Variants in MRRF observed in about 807,000 individuals in gnomAD.
MRRF encodes mitochondrial ribosome recycling factor.
In MRRF, 18 loss-of-function variants were observed where a neutral mutation model predicts 25.1. The ratio of observed to expected loss-of-function variants is 0.72; its 90% CI spans 0.50 to 1.06. MRRF has a LOEUF of 1.06. Ranked by LOEUF, MRRF falls within the 50% of genes least tolerant of loss-of-function variation. MRRF has a pLI of 0.00. For missense variants in MRRF, 323 were observed against 319.3 expected (o/e 1.01, Z -0.09); for synonymous variants, 113 against 112.1 (o/e 1.01, Z -0.05).
chr9:122,283,220 A>G (rs1041315847), intron 3 of MRRF, among the ~76,000 whole-genome samples: 13 of 151,682 alleles, frequency 8.6e-5, no homozygotes, highest in African/African-American at 2.4e-4. Context: ...CAGCCTCCCA[A>G]CTAGCTGGGA....
chr9:122,286,161 TATA>T, intron 4 of MRRF: 1 of 1,282,924 alleles, frequency 7.8e-7, no homozygotes, highest in East Asian at 5.6e-5. Context: ...CATCTGCTAA[TATA>T]AGGTGAAGGA....
Position 122,330,368 on chromosome 9 carries a change from G to A in MRRF, c.*7751G>A, listed in dbSNP as rs553152409. 3.9e-5 allele frequency: 6 copies of A among 152,308 alleles called. No individual in the cohort carries two copies. The highest frequency in any genetic ancestry group is 9.6e-5 in the African/African-American group (4 of 41,548). 9.4% of individuals were successfully genotyped at this position (152,308 alleles called of 1,614,324 possible). A position where few individuals can be genotyped will look rare whatever the true frequency, so the allele number is the denominator to read the frequency against. ...AATCTCCAAAGACAGCAGCTCCTCC[G>A]CGAGCTAGCTGCCCCTGACCGAGGC... On this transcript the variant is annotated 3_prime_UTR_variant, in exon 7 of 7. Coordinates refer to ENST00000344641, the MANE Select transcript of MRRF (RefSeq NM_138777.5). This position sits in a 1 kb window ranked among gnomAD's most constrained non-coding sequence, Gnocchi z 4.2.
At chr9:122,265,925 G>C in intron 1 of MRRF, 1 of 425,672 alleles carries the variant, frequency 2.3e-6, no homozygotes. Flanking sequence ...TTCTTTACCT[G>C]GTACTGCATT....
At chr9:122,312,531 C>T (rs943278260) in intron 5 of MRRF, among the ~76,000 whole-genome samples, 12 of 152,108 alleles carry the variant, frequency 7.9e-5, no homozygotes, top group Non-Finnish European at 1.5e-4. Flanking sequence ...ATTGTCCTTC[C>T]TTGAGCAAGA....
intron 1 of MRRF, among the ~76,000 whole-genome samples, chr9:122,269,156 A>G (rs1042403426): frequency 1.3e-5 from 2 of 148,836 alleles, no homozygotes; most frequent in Non-Finnish European, 1.5e-5. Flanking sequence ...ACAGAGTGAG[A>G]CTCTGTCTCA....
intron 1 of MRRF, 98 bp from the exon 2 acceptor site, chr9:122,270,766 T>TA: frequency 5.7e-6 from 5 of 872,752 alleles, no homozygotes; most frequent in Admixed American, 3.5e-5. Flanking sequence ...TAGCTCAGTT[T>TA]ATAGGAGTTG....
intron 6 of MRRF, among the ~76,000 whole-genome samples, chr9:122,318,730 A>T (rs1835691007): frequency 6.6e-6 from 1 of 152,218 alleles, no homozygotes; most frequent in South Asian, 2.1e-4. Flanking sequence ...TATGTTGGCA[A>T]GGGTTCTTGC....
At chr9:122,274,841 TAA>T (rs1234118554) in intron 2 of MRRF, among the ~76,000 whole-genome samples, 1 of 152,178 alleles carries the variant, frequency 6.6e-6, no homozygotes, top group Non-Finnish European at 1.5e-5. Flanking sequence ...ATAAACCTTT[TAA>T]AAGAGTCTTT....
rs562208604 is a variant in MRRF, at chr9:122,313,263, G to A, written c.588G>A (p.Leu196=). Residue 196 remains leucine, a synonymous_variant, in exon 6 of 7, where the codon CTG becomes CTA. Coordinates refer to ENST00000344641, the MANE Select transcript of MRRF (RefSeq NM_138777.5). ...AGCACAGAGAAATGCTGGTGAAACT[G>A]GCCAAACAGAACACCAACAAGGCCA... ...TREHREMLVK[L]AKQNTNKAKD... The A allele has an allele frequency of 1.9e-6, 3 of 1,613,956 alleles. No individual in the cohort carries two copies. In the South Asian group the frequency reaches 3.3e-5, roughly 18 times the overall value.
chr9:122,313,865 G>A (rs1374666495), intron 6 of MRRF, among the ~76,000 whole-genome samples: 1 of 152,134 alleles, frequency 6.6e-6, no homozygotes, highest in East Asian at 1.9e-4. Flanking sequence ...TTAAGCTGCT[G>A]GAGTAAAATA....
intron 6 of MRRF, among the ~76,000 whole-genome samples, chr9:122,315,431 C>G (rs1309573568): frequency 6.6e-6 from 1 of 152,168 alleles, no homozygotes; most frequent in Non-Finnish European, 1.5e-5. Flanking sequence ...GTCCTATGAC[C>G]TTGGGGAAGT....
intron 4 of MRRF, among the ~76,000 whole-genome samples, chr9:122,289,683 T>TATA (rs1299060444): frequency 1.3e-5 from 2 of 151,906 alleles, no homozygotes; most frequent in African/African-American, 4.8e-5. Context: ...TTACCTTGAG[T>TATA]ATAACCTTTA....
At chr9:122,280,409 CTGT>C in intron 2 of MRRF, 31 bp from the exon 3 acceptor site, 1 of 1,613,012 alleles carries the variant, frequency 6.2e-7, no homozygotes, top group Non-Finnish European at 8.5e-7. Context: ...GTTTATGCTG[CTGT>C]TGTTTTATTC....
intron 5 of MRRF, among the ~76,000 whole-genome samples, chr9:122,301,067 G>T (rs1430790078): frequency 6.6e-6 from 1 of 152,136 alleles, no homozygotes; most frequent in Non-Finnish European, 1.5e-5. Context: ...GGGGATGATA[G>T]ACTTTATGGC....
chr9:122,274,049 T>A (rs1832626907), intron 2 of MRRF, among the ~76,000 whole-genome samples: 1 of 152,162 alleles, frequency 6.6e-6, no homozygotes, highest in South Asian at 2.1e-4. Context: ...TCCCCTCCTG[T>A]CCTATTGCCC....
Position 122,285,218 on chromosome 9 carries a change from A to G in MRRF, c.390A>G (p.Leu130=), listed in dbSNP as rs893783569. 14 of 1,614,064 alleles carry G rather than the reference A, an allele frequency of 8.7e-6. No homozygotes were observed. The highest frequency in any genetic ancestry group is 1.2e-5 in the Non-Finnish European group (14 of 1,179,920). ...TAACTGCTGACGGGAAGCTTGCTTT[A>G]AACCAGATTAGCCAGATCTCCATGA... The part of the protein sequence containing the change: ...AVVTADGKLA[L]NQISQISMKS... The change falls in exon 4 of 7, where the codon TTA becomes TTG. Residue 130 remains leucine (L), a synonymous_variant. Coordinates refer to ENST00000344641, the MANE Select transcript of MRRF (RefSeq NM_138777.5).
intron 6 of MRRF, among the ~76,000 whole-genome samples, chr9:122,319,135 C>T (rs977250411): frequency 2.1e-5 from 3 of 144,008 alleles, no homozygotes; most frequent in African/African-American, 7.9e-5. Flanking sequence ...CACTGAACTT[C>T]TTTCTTTCTT....
chr9:122,280,706 G>T, intron 3 of MRRF, 108 bp downstream of exon 3: 1 of 1,041,492 alleles, frequency 9.6e-7, no homozygotes, highest in East Asian at 2.5e-5. Context: ...GGTGGCCATG[G>T]GCAGTTACTT....
chr9:122,281,368 T>C (rs941687474), intron 3 of MRRF, among the ~76,000 whole-genome samples: 6 of 152,242 alleles, frequency 3.9e-5, no homozygotes, highest in African/African-American at 1.4e-4. Context: ...CTTGGGCTGC[T>C]TCTACTCACA....
Sources: allele counts gnomAD v4.1 joint callset (sites outside exome capture counted in the v4.1 genomes callset), GRCh38; gene constraint gnomAD v4.1.1; non-coding constraint Gnocchi (gnomAD v3.1); transcripts MANE v1.5; gene names NCBI Gene and HGNC (gene_info 2026-07-23, HGNC 2026-07-21).